CCSER2: variants seen among roughly 807,000 people sequenced by gnomAD.
CCSER2 encodes the protein coiled-coil serine rich protein 2.
CCSER2 carries 46 observed loss-of-function variants against 92.3 expected under a neutral mutation model. The observed-to-expected ratio is 0.50, with a 90% CI of 0.39 to 0.64. CCSER2 has a LOEUF of 0.64. CCSER2 is among the 30% of genes least tolerant of loss of function. CCSER2 has a pLI of 0.00. For missense variants in CCSER2, 1,244 were observed against 1,238.9 expected, an observed-to-expected ratio of 1.00 and a Z score of -0.06; for synonymous variants, 433 against 431.4, an observed-to-expected ratio of 1.00 and a Z score of -0.04.
intron 3 of CCSER2, among the ~76,000 whole-genome samples, chr10:84,375,751 G>A (rs889593933): frequency 1.3e-5 from 2 of 149,162 alleles, no homozygotes; most frequent in Non-Finnish European, 3.0e-5. Flanking sequence ...TTTTTCTTTT[G>A]ACTAGTGAGT....
At chr10:84,421,046 T>C (rs1843123995) in intron 4 of CCSER2, among the ~76,000 whole-genome samples, 1 of 151,746 alleles carries the variant, frequency 6.6e-6, no homozygotes, top group African/African-American at 2.4e-5. Flanking sequence ...CTCACTGAAA[T>C]CTTTAATTTG....
intron 3 of CCSER2, among the ~76,000 whole-genome samples, chr10:84,403,789 C>T (rs755792082): frequency 2.6e-5 from 4 of 152,074 alleles, no homozygotes; most frequent in South Asian, 2.1e-4. Flanking sequence ...GTGAAAATGC[C>T]GAGAAACAAC....
chr10:84,466,149 T>C (rs1846415159), intron 7 of CCSER2, among the ~76,000 whole-genome samples: 2 of 152,362 alleles, frequency 1.3e-5, no homozygotes, highest in Non-Finnish European at 2.9e-5. Flanking sequence ...TAGGTCATAC[T>C]TGTCTTTTCT....
chr10:84,478,471 T>G (rs1174378756), intron 9 of CCSER2, among the ~76,000 whole-genome samples: 2 of 152,230 alleles, frequency 1.3e-5, no homozygotes, highest in Non-Finnish European at 2.9e-5. Flanking sequence ...ATATAATGGC[T>G]AATATAATCA....
chr10:84,364,840 C>G (rs1845697996), intron 1 of CCSER2, among the ~76,000 whole-genome samples: 1 of 149,162 alleles, frequency 6.7e-6, no homozygotes, highest in Admixed American at 6.8e-5. Flanking sequence ...CTCCCGAGTT[C>G]AAGTGATTCT....
intron 9 of CCSER2, among the ~76,000 whole-genome samples, chr10:84,488,349 G>A (rs759399220): frequency 1.7e-4 from 26 of 152,136 alleles, no homozygotes; most frequent in African/African-American, 1.2e-4. Context: ...GGTAGAATTC[G>A]GCTGTGAATC....
chr10:84,437,661 T>G (rs1251125325), intron 5 of CCSER2, among the ~76,000 whole-genome samples: 1 of 152,018 alleles, frequency 6.6e-6, no homozygotes, highest in Non-Finnish European at 1.5e-5. Flanking sequence ...TTATTCAGCA[T>G]GTATGTTATT....
intron 9 of CCSER2, 102 bp downstream of exon 9, chr10:84,477,766 G>A (rs1339423336): frequency 3.0e-6 from 2 of 658,006 alleles, no homozygotes; most frequent in Non-Finnish European, 5.2e-6. Flanking sequence ...AATCTGTCAT[G>A]GCTGTTAATT....
intron 3 of CCSER2, among the ~76,000 whole-genome samples, chr10:84,382,217 T>C (rs1192361225): frequency 6.6e-6 from 1 of 152,228 alleles, no homozygotes; most frequent in Non-Finnish European, 1.5e-5. Context: ...GGTACTGATA[T>C]GAAGTTATCT....
intron 8 of CCSER2, among the ~76,000 whole-genome samples, chr10:84,475,329 G>C (rs1385598394): frequency 1.3e-5 from 2 of 152,188 alleles, no homozygotes; most frequent in Non-Finnish European, 2.9e-5. Flanking sequence ...AAAGAAGGCA[G>C]ATGGTGAGAA....
At position 84,379,051 on chromosome 10, in the gene CCSER2, T is replaced by C. The variant is rs139751575; in HGVS notation, c.1614+5236T>C. ...TTTGAAAGAATTTGTGTACAACTAA[T>C]GTGCTTATTCCTTAGGTATGTAAAA... On this transcript the variant is annotated intron_variant, in intron 3 of 9. Transcript: ENST00000372088. Among the ~76,000 whole-genome samples the C allele has an allele frequency of 2.4e-3, 367 of 152,358 alleles. 1 individual carries two copies. Among genetic ancestry groups the C allele is most frequent in the African/African-American group, 8.4e-3 (351 of 41,586 alleles).
intron 3 of CCSER2, among the ~76,000 whole-genome samples, chr10:84,402,519 A>T (rs1174636771): frequency 6.6e-6 from 1 of 152,238 alleles, no homozygotes; most frequent in Non-Finnish European, 1.5e-5. Flanking sequence ...TTGAAAATCG[A>T]TCAGTATAAT....
At chr10:84,441,213 T>TA (rs1295870042) in intron 6 of CCSER2, among the ~76,000 whole-genome samples, 2 of 152,208 alleles carry the variant, frequency 1.3e-5, no homozygotes, top group African/African-American at 4.8e-5. Flanking sequence ...TATTTTTTGT[T>TA]ATACGTTTTT....
intron 3 of CCSER2, among the ~76,000 whole-genome samples, chr10:84,414,858 T>G (rs1842818155): frequency 6.6e-6 from 1 of 152,198 alleles, no homozygotes; most frequent in South Asian, 2.1e-4. Flanking sequence ...TCATTCTTTT[T>G]TCTCTAATCT....
chr10:84,340,287 A>G (rs1016690168), intron 1 of CCSER2, among the ~76,000 whole-genome samples: 1 of 151,902 alleles, frequency 6.6e-6, no homozygotes, highest in Non-Finnish European at 1.5e-5. Flanking sequence ...TTTTTTTGTT[A>G]TAGTATTTGC....
intron 7 of CCSER2, among the ~76,000 whole-genome samples, chr10:84,467,530 G>A (rs922405385): frequency 1.3e-5 from 2 of 151,910 alleles, no homozygotes; most frequent in African/African-American, 4.8e-5. Context: ...TTTATTTAAT[G>A]AAAAAACTGA....
At chr10:84,469,591 C>T (rs1284686253) in intron 7 of CCSER2, among the ~76,000 whole-genome samples, 1 of 152,118 alleles carries the variant, frequency 6.6e-6, no homozygotes, top group Non-Finnish European at 1.5e-5. Flanking sequence ...ATGTTATTCA[C>T]ATCTATATTT....
At chr10:84,337,042 T>A in intron 1 of CCSER2, among the ~76,000 whole-genome samples, 1 of 152,034 alleles carries the variant, frequency 6.6e-6, no homozygotes, top group East Asian at 1.9e-4. Context: ...ACGAGTTCAG[T>A]TTTGGACATT....
Position 84,372,022 on chromosome 10 carries a change from A to C in CCSER2, c.970A>C (p.Lys324Gln), listed in dbSNP as rs756819853. The change falls in exon 2 of 10, where the codon AAA (lysine) becomes CAA (glutamine). Residue 324 changes from lysine (K) to glutamine (Q), a missense_variant. Transcript: ENST00000372088. ...TAGAATGGTTCATCCCTCTCTACTG[A>C]AATCTAGCCGATCTCCATTTTCTGG... is the stretch of plus-strand genomic sequence containing the variant. ...GYRMVHPSLLKSSRSPFSGTM... is the reference protein window; with the variant it reads ...GYRMVHPSLLQSSRSPFSGTM... 6.2e-7 allele frequency: 1 copy of C among 1,613,824 alleles called. No individual in the cohort carries two copies. The highest frequency in any genetic ancestry group is 1.1e-5 in the South Asian group (1 of 91,074).
Sources: gnomAD v4.1 joint callset for allele counts (sites outside exome capture counted in the v4.1 genomes callset) on GRCh38, gnomAD v4.1.1 for gene constraint, MANE v1.5 for transcripts, NCBI Gene and HGNC (gene_info 2026-07-23, HGNC 2026-07-21) for gene names.